GRIA1: variants seen among roughly 807,000 people sequenced by gnomAD.
The protein encoded by GRIA1 is glutamate ionotropic receptor AMPA type subunit 1.
In GRIA1, 31 loss-of-function variants were observed where a neutral mutation model predicts 99.2. That is an observed-to-expected ratio of 0.31 (90% CI 0.23 to 0.42). The LOEUF is 0.42. Among genes scored for constraint, GRIA1 ranks in the 10% least tolerant of loss-of-function variants. The probability of loss-of-function intolerance (pLI) is 1.00; values close to 1 mark genes in which losing one functional copy is unlikely to be tolerated. For missense variants in GRIA1, 782 were observed against 1,157.5 expected, an observed-to-expected ratio of 0.68 and a Z score of 4.71; for synonymous variants, 438 against 432.4, an observed-to-expected ratio of 1.01 and a Z score of -0.16.
intron 2 of GRIA1, among the ~76,000 whole-genome samples, chr5:153,500,237 A>G (rs1457136946): frequency 2.0e-5 from 3 of 152,196 alleles, no homozygotes; most frequent in South Asian, 4.1e-4. Context: ...AAGTGATCAT[A>G]TAGCACATTT....
At chr5:153,675,564 AG>A (rs1353792442) in intron 6 of GRIA1, among the ~76,000 whole-genome samples, 1 of 152,228 alleles carries the variant, frequency 6.6e-6, no homozygotes, top group Admixed American at 6.5e-5. Context: ...ACTAAGGCCA[AG>A]TTTGTTTATC....
chr5:153,503,451 T>G (rs1173901849), intron 2 of GRIA1, among the ~76,000 whole-genome samples: 1 of 152,202 alleles, frequency 6.6e-6, no homozygotes, highest in East Asian at 1.9e-4. Flanking sequence ...AAATCAAACA[T>G]GCTAGGCAAA....
At chr5:153,598,727 T>C (rs1272972907) in intron 2 of GRIA1, among the ~76,000 whole-genome samples, 1 of 152,228 alleles carries the variant, frequency 6.6e-6, no homozygotes, top group East Asian at 1.9e-4. Flanking sequence ...GTTTATGATA[T>C]GGTCCACTGA....
intron 6 of GRIA1, among the ~76,000 whole-genome samples, chr5:153,675,397 C>T (rs1318726814): frequency 6.6e-6 from 1 of 152,268 alleles, no homozygotes; most frequent in Non-Finnish European, 1.5e-5. Flanking sequence ...CTCTCTGCTT[C>T]TCACTTCCCA....
At chr5:153,667,003 A>G (rs1413511870) in intron 5 of GRIA1, among the ~76,000 whole-genome samples, 1 of 152,168 alleles carries the variant, frequency 6.6e-6, no homozygotes. Flanking sequence ...TTTTAAAAAA[A>G]TACTTCTAAT....
At chr5:153,496,737 T>A (rs1754470419) in intron 2 of GRIA1, among the ~76,000 whole-genome samples, 1 of 152,336 alleles carries the variant, frequency 6.6e-6, no homozygotes, top group South Asian at 2.1e-4. Flanking sequence ...AGGAAGAATG[T>A]ACTCATTACT....
rs146247111 is a variant in GRIA1, at chr5:153,715,466, C to G, written c.1823+9399C>G. 9.5e-3 allele frequency among the ~76,000 whole-genome samples: 1,446 copies of G among 152,176 alleles called. 25 individuals carry two copies. Among genetic ancestry groups the G allele is most frequent in the African/African-American group, 0.033 (1,378 of 41,518 alleles). Reference sequence around the variant, plus strand: ...CAGCAGGGCCGGCTGGGATTGAATTCTGACTCTACTACCTACTAGCTGTGT... The same window carrying G: ...CAGCAGGGCCGGCTGGGATTGAATTGTGACTCTACTACCTACTAGCTGTGT... On this transcript the variant is annotated intron_variant, in intron 11 of 15. Coordinates refer to ENST00000285900, the MANE Select transcript of GRIA1 (RefSeq NM_000827.4).
At chr5:153,738,971 C>T (rs770357251) in intron 11 of GRIA1, among the ~76,000 whole-genome samples, 5 of 151,928 alleles carry the variant, frequency 3.3e-5, no homozygotes, top group Non-Finnish European at 7.4e-5. Flanking sequence ...ATCCACCCAC[C>T]TCGGCCTCCC....
At chr5:153,721,581 T>C (rs1316943287) in intron 11 of GRIA1, among the ~76,000 whole-genome samples, 1 of 152,218 alleles carries the variant, frequency 6.6e-6, no homozygotes, top group African/African-American at 2.4e-5. Flanking sequence ...GTTTTATGAA[T>C]TGAACTGTTT....
At chr5:153,777,777 GC>G (rs1466409308) in intron 13 of GRIA1, among the ~76,000 whole-genome samples, 3 of 152,026 alleles carry the variant, frequency 2.0e-5, no homozygotes, top group South Asian at 4.2e-4. Flanking sequence ...AAAAAATAAA[GC>G]CCTAATATTT....
At chr5:153,625,927 C>A (rs981271614) in intron 2 of GRIA1, among the ~76,000 whole-genome samples, 29 of 152,186 alleles carry the variant, frequency 1.9e-4, no homozygotes, top group African/African-American at 6.3e-4. Context: ...ATGCCACAAA[C>A]AAGCACAAGC....
intron 2 of GRIA1, among the ~76,000 whole-genome samples, chr5:153,495,182 C>T (rs1754292877): frequency 6.6e-6 from 1 of 152,218 alleles, no homozygotes; most frequent in Non-Finnish European, 1.5e-5. Flanking sequence ...TTATTGAGAA[C>T]TTACTGTGCA....
Position 153,603,124 on chromosome 5 carries a change from C to G in GRIA1, c.221-43804C>G, listed in dbSNP as rs184462654. 5.3e-5 allele frequency among the ~76,000 whole-genome samples: 8 copies of G among 152,030 alleles called. No homozygotes were observed. The East Asian group carries it at 1.5e-3, about 29-fold the overall frequency. On this transcript the variant is annotated intron_variant, in intron 2 of 15. Transcript: ENST00000285900. ...AGTGTGATGTTCCCCTTCCTGTGTC[C>G]ATGTGTTCTCATTGTTCAATTCCCA...
At chr5:153,492,087 T>C (rs1425321488) in intron 1 of GRIA1, 46 of 1,355,388 alleles carry the variant, frequency 3.4e-5, no homozygotes, top group Non-Finnish European at 4.1e-5. Flanking sequence ...CTCTCTCCCC[T>C]GGTAGGGAGA....
chr5:153,525,261 T>A (rs1561610783), intron 2 of GRIA1: 2 of 152,238 alleles, frequency 1.3e-5, no homozygotes, highest in Non-Finnish European at 2.9e-5. Context: ...GGAGACACTT[T>A]TAAGTGTCAC....
rs190631499 is a variant in GRIA1 at position 153,557,196 on chromosome 5, A to G, written c.220+63131A>G. Among the ~76,000 whole-genome samples the G allele has an allele frequency of 4.2e-3, 640 of 152,278 alleles. 6 individuals are homozygous for G. Among genetic ancestry groups the G allele is most frequent in the African/African-American group, 0.015 (625 of 41,572 alleles). ...GAATGTGAAGGCCTAGGACATTACT[A>G]TGCACTACTATAGAGTTTATAAACA... On this transcript the variant is annotated intron_variant, in intron 2 of 15. Transcript: ENST00000285900.
intron 2 of GRIA1, among the ~76,000 whole-genome samples, chr5:153,516,452 T>C (rs768648841): frequency 6.6e-6 from 1 of 151,958 alleles, no homozygotes; most frequent in African/African-American, 2.4e-5. Flanking sequence ...GTTGATAATC[T>C]GATTTTACCA....
At chr5:153,495,806 T>A (rs1008004556) in intron 2 of GRIA1, among the ~76,000 whole-genome samples, 2 of 152,198 alleles carry the variant, frequency 1.3e-5, no homozygotes, top group Non-Finnish European at 2.9e-5. Context: ...AGATAACCTT[T>A]CTTTACTTTT....
At chr5:153,624,220 C>T (rs908294856) in intron 2 of GRIA1, among the ~76,000 whole-genome samples, 2 of 152,190 alleles carry the variant, frequency 1.3e-5, no homozygotes, top group African/African-American at 2.4e-5. Flanking sequence ...CCAAAAGTCC[C>T]AAGGTCAGAG....
Sources: allele counts gnomAD v4.1 joint callset (sites outside exome capture counted in the v4.1 genomes callset), GRCh38; gene constraint gnomAD v4.1.1; transcripts MANE v1.5; gene names NCBI Gene and HGNC (gene_info 2026-07-23, HGNC 2026-07-21).